Variants in RANBP10 observed in about 807,000 individuals in gnomAD.
RANBP10 encodes the protein RAN binding protein 10, also known as ran-binding protein 10.
Under a neutral mutation model 72.8 loss-of-function variants are expected in RANBP10, and 24 were observed. The ratio of observed to expected loss-of-function variants is 0.33; its 90% CI spans 0.24 to 0.46. RANBP10 has a LOEUF of 0.46. Ranked by LOEUF, RANBP10 falls within the 20% of genes least tolerant of loss-of-function variation. The pLI, the probability that RANBP10 is intolerant of heterozygous loss-of-function variation, is 1.00. For synonymous variants in RANBP10, 310 were observed against 322.3 expected, an observed-to-expected ratio of 0.96 and a Z score of 0.41; for missense variants, 679 against 817.5, an observed-to-expected ratio of 0.83 and a Z score of 2.07.
intron 2 of RANBP10, among the ~76,000 whole-genome samples, chr16:67,783,900 C>T (rs563397973): frequency 5.9e-5 from 9 of 151,930 alleles, no homozygotes; most frequent in African/African-American, 7.2e-5. Context: ...AAAAATTAGC[C>T]GGGCGTGCTG....
chr16:67,787,238 CAATCAATCA>C (rs923389841), intron 2 of RANBP10, among the ~76,000 whole-genome samples: 2 of 151,690 alleles, frequency 1.3e-5, no homozygotes, highest in African/African-American at 4.9e-5. Flanking sequence ...GACTCTATCT[CAATCAATCA>C]ATCAATCAAT....
chr16:67,744,162 C>T (rs2054023573), intron 4 of RANBP10, 126 bp downstream of exon 4: 3 of 1,489,302 alleles, frequency 2.0e-6, no homozygotes, highest in Middle Eastern at 2.6e-4. Context: ...GGCTCCAATG[C>T]CTGGAAATGG....
intron 10 of RANBP10, 154 bp from the exon 11 acceptor site, chr16:67,728,665 A>G: frequency 7.1e-7 from 1 of 1,399,558 alleles, no homozygotes; most frequent in South Asian, 1.3e-5. Flanking sequence ...AGTCTTCAGC[A>G]CTTGGCCCCT....
At chr16:67,746,857 G>A (rs1303421190) in intron 3 of RANBP10, among the ~76,000 whole-genome samples, 1 of 152,218 alleles carries the variant, frequency 6.6e-6, no homozygotes, top group Non-Finnish European at 1.5e-5. Context: ...AGGAGAAGCA[G>A]TGTTCCATTC....
intron 2 of RANBP10, among the ~76,000 whole-genome samples, chr16:67,791,251 G>A (rs761088687): frequency 6.6e-6 from 1 of 152,068 alleles, no homozygotes; most frequent in Non-Finnish European, 1.5e-5. Flanking sequence ...CTGACCTCGT[G>A]ATCCACCCAC....
Position 67,726,530 on chromosome 16 carries a change from A to AG in RANBP10, c.1760dup (p.Leu588SerfsTer10). ...ATGCCTGGCCCAGGGCGAGCATCAG[A>AG]GGGGGCTGCTTTGGCAGGTTCTGGG... On this transcript the variant is annotated frameshift_variant, in exon 14 of 14. Coordinates refer to ENST00000317506, the MANE Select transcript of RANBP10 (RefSeq NM_020850.3). LOFTEE classifies it high-confidence loss of function. The AG allele has an allele frequency of 1.3e-6, 2 of 1,567,740 alleles. No homozygotes were observed. The highest frequency in any genetic ancestry group is 8.7e-7 in the Non-Finnish European group (1 of 1,156,014).
At chr16:67,751,430 C>T (rs1388037142) in intron 3 of RANBP10, among the ~76,000 whole-genome samples, 1 of 152,186 alleles carries the variant, frequency 6.6e-6, no homozygotes, top group African/African-American at 2.4e-5. Flanking sequence ...TTGAAACCAG[C>T]CTGGCCAACA....
intron 4 of RANBP10, among the ~76,000 whole-genome samples, chr16:67,739,412 T>C (rs73591943): frequency 0.052 from 7,900 of 152,216 alleles, 579 homozygotes; most frequent in African/African-American, 0.17. Context: ...GCTGGATTTG[T>C]TCCTAGTCCA....
chr16:67,765,619 G>A lies in RANBP10; in HGVS notation c.400+6415C>T, dbSNP rs371443443. Among the ~76,000 whole-genome samples, 6 of 151,956 alleles carry A rather than the reference G, an allele frequency of 3.9e-5. No individual in the cohort carries two copies. In the East Asian group the frequency reaches 5.8e-4, roughly 15 times the overall value. On this transcript the variant is annotated intron_variant, in intron 3 of 13. Coordinates refer to ENST00000317506, the MANE Select transcript of RANBP10 (RefSeq NM_020850.3). Reference sequence around the variant, plus strand: ...TGAGAGGCTGAGGTGGGCGGATCACGAGGTCAGGAGATCGAGACCATCCTG... The same window carrying A: ...TGAGAGGCTGAGGTGGGCGGATCACAAGGTCAGGAGATCGAGACCATCCTG...
chr16:67,787,870 C>T (rs781456386), intron 2 of RANBP10, among the ~76,000 whole-genome samples: 15 of 152,112 alleles, frequency 9.9e-5, no homozygotes, highest in Non-Finnish European at 1.5e-4. Context: ...GATGGAGTCT[C>T]GCCTGTTGCC....
intron 2 of RANBP10, among the ~76,000 whole-genome samples, chr16:67,785,072 C>G (rs112236814): frequency 6.6e-6 from 1 of 151,636 alleles, no homozygotes; most frequent in Non-Finnish European, 1.5e-5. Context: ...AGTAGCCAGG[C>G]GTGGTGGCAG....
At chr16:67,801,199 C>T (rs1198192558) in intron 2 of RANBP10, among the ~76,000 whole-genome samples, 2 of 152,106 alleles carry the variant, frequency 1.3e-5, no homozygotes, top group African/African-American at 4.8e-5. Context: ...TACAGAAAAG[C>T]AAGTTTACAG....
At chr16:67,726,884 G>C (rs2053612313) in intron 13 of RANBP10, among the ~76,000 whole-genome samples, 1 of 152,184 alleles carries the variant, frequency 6.6e-6, no homozygotes, top group Admixed American at 6.5e-5. Context: ...CACCAGAGAG[G>C]GCCTGTACAG....
intron 4 of RANBP10, 116 bp downstream of exon 4, chr16:67,744,172 G>A (rs555877076): frequency 6.7e-7 from 1 of 1,503,102 alleles, no homozygotes; most frequent in South Asian, 1.4e-5. Flanking sequence ...CCTGGAAATG[G>A]TGCGGTACCC....
chr16:67,726,639 G>A (rs1243879413), intron 13 of RANBP10, 81 bp from the exon 14 acceptor site: 1 of 1,445,084 alleles, frequency 6.9e-7, no homozygotes, highest in Non-Finnish European at 9.2e-7. Flanking sequence ...GGTGGAAGGA[G>A]GGGGCAGTGG....
At chr16:67,744,477 A>G (rs1324745521) in intron 3 of RANBP10, 22 bp from the exon 4 acceptor site, 1 of 1,601,108 alleles carries the variant, frequency 6.2e-7, no homozygotes, top group African/African-American at 1.3e-5. Context: ...GAGAGCAGCA[A>G]TAACTGAGTA....
intron 2 of RANBP10, among the ~76,000 whole-genome samples, chr16:67,777,651 G>A (rs761086499): frequency 6.6e-6 from 1 of 152,156 alleles, no homozygotes; most frequent in Non-Finnish European, 1.5e-5. Flanking sequence ...GACATCCTCT[G>A]TTCACTGATT....
At chr16:67,795,237 C>A (rs1158746172) in intron 2 of RANBP10, among the ~76,000 whole-genome samples, 3 of 150,942 alleles carry the variant, frequency 2.0e-5, no homozygotes, top group African/African-American at 4.9e-5. Context: ...AGAGTGAGAC[C>A]CCGCCTCAAA....
chr16:67,748,437 C>T (rs1482429440), intron 3 of RANBP10, among the ~76,000 whole-genome samples: 5 of 151,638 alleles, frequency 3.3e-5, no homozygotes, highest in South Asian at 2.1e-4. Flanking sequence ...GCAGGAGAAT[C>T]GCTTAAACCC....
Sources: gnomAD v4.1 joint callset for allele counts (sites outside exome capture counted in the v4.1 genomes callset) on GRCh38, gnomAD v4.1.1 for gene constraint, MANE v1.5 for transcripts, NCBI Gene and HGNC (gene_info 2026-07-23, HGNC 2026-07-21) for gene names.